The following KCNQ1OT1 variants were observed in gnomAD, a reference collection of about 807,000 sequenced individuals.
The protein encoded by KCNQ1OT1 is KCNQ1 antisense RNA 2 (non-protein coding).
chr11:2,610,566 G>A (rs138967851), exon 1 of KCNQ1OT1: 1 of 398,282 alleles, frequency 2.5e-6, no homozygotes, highest in African/African-American at 2.1e-5. Flanking sequence ...AACTTCCTGG[G>A]AGCACTTCCT....
exon 1 of KCNQ1OT1, chr11:2,656,357 C>A (rs1849848106): frequency 1.0e-5 from 4 of 398,668 alleles, no homozygotes; most frequent in Admixed American, 4.4e-5. Flanking sequence ...ATTCTTCAAG[C>A]CTTACAGGTC....
At chr11:2,649,998 T>A (rs1849733061) in exon 1 of KCNQ1OT1, 1 of 398,498 alleles carries the variant, frequency 2.5e-6, no homozygotes, top group Non-Finnish European at 4.4e-6. Flanking sequence ...TGTTATTTTT[T>A]AAATCTGTCT....
exon 1 of KCNQ1OT1, chr11:2,618,456 G>A (rs187603549): frequency 2.3e-5 from 9 of 398,578 alleles, no homozygotes; most frequent in Admixed American, 1.3e-4. Context: ...TTATGAGAGA[G>A]ACTATCTTTC....
At chr11:2,644,898 A>G (rs1590001734) in exon 1 of KCNQ1OT1, 10 of 398,858 alleles carry the variant, frequency 2.5e-5, no homozygotes, top group Middle Eastern at 6.3e-4. Flanking sequence ...GGCTGGGGAT[A>G]GGGACACCAG....
chr11:2,637,434 G>T (rs1274956473), exon 1 of KCNQ1OT1: 4 of 152,058 alleles, frequency 2.6e-5, no homozygotes, highest in African/African-American at 9.7e-5. Context: ...CCTTCATTTC[G>T]TTATGTACCC....
Position 2,663,995 on chromosome 11 carries a change from TG to T in KCNQ1OT1, n.35999del. On this transcript the variant is annotated non_coding_transcript_exon_variant, in exon 1 of 1. Transcript: ENST00000597346. The surrounding 1 kb of genome is among the most constrained non-coding windows in gnomAD (Gnocchi z 5.2). ...CCATCCCCAAGCTCTCTGCCCACTT[TG>T]GGTCTGGCACATTACCATTCTGCAA... 1 of 398,738 alleles carries T rather than the reference TG, an allele frequency of 2.5e-6. No homozygotes were observed. The highest frequency in any genetic ancestry group is 3.6e-5 in the East Asian group (1 of 28,076). 24.7% of individuals were successfully genotyped at this position (398,738 alleles called of 1,614,324 possible).
chr11:2,618,914 C>G (rs1564835362), exon 1 of KCNQ1OT1: 2 of 398,056 alleles, frequency 5.0e-6, no homozygotes, highest in African/African-American at 2.1e-5. Context: ...TAAATTTATT[C>G]CTAAGCAATT....
rs1850224575 is a variant in KCNQ1OT1 at position 2,673,453 on chromosome 11, T to G, written n.26542A>C. 1 of 398,576 alleles carries G rather than the reference T, an allele frequency of 2.5e-6. No homozygotes were observed. Among genetic ancestry groups the G allele is most frequent in the South Asian group, 1.3e-4 (1 of 7,868 alleles). 24.7% of individuals were successfully genotyped at this position (398,576 alleles called of 1,614,324 possible). On this transcript the variant is annotated non_coding_transcript_exon_variant, in exon 1 of 1. Coordinates refer to ENST00000597346, the Ensembl canonical transcript of KCNQ1OT1. This position sits in a 1 kb window ranked among gnomAD's most constrained non-coding sequence, Gnocchi z 4.5. ...GTTCCAACTTGGTGTTGGGCCTCCT[T>G]GAGCCGGAACACCTGAAAAGCCATA...
At chr11:2,692,626 C>T in exon 1 of KCNQ1OT1, 1 of 398,716 alleles carries the variant, frequency 2.5e-6, no homozygotes. Context: ...ACCTGCTGTG[C>T]TCCCAGGCCT....
rs931763942 is a variant in KCNQ1OT1 at position 2,611,529 on chromosome 11, G to A, written n.88466C>T. ...ACCCAGCCAATTTTGTCTGATTTTA[G>A]TACAGTCACTCTAGCTTTCTTATTA... is the stretch of plus-strand genomic sequence containing the variant. On this transcript the variant is annotated non_coding_transcript_exon_variant, in exon 1 of 1. Coordinates refer to ENST00000597346, the Ensembl canonical transcript of KCNQ1OT1. The surrounding 1 kb of genome is among the most constrained non-coding windows in gnomAD (Gnocchi z 5.3). 1.3e-5 allele frequency: 5 copies of A among 398,312 alleles called. No individual in the cohort carries two copies. The highest frequency in any genetic ancestry group is 2.2e-5 in the Non-Finnish European group (5 of 226,062). 24.7% of individuals were successfully genotyped at this position (398,312 alleles called of 1,614,324 possible).
At position 2,653,431 on chromosome 11, in the gene KCNQ1OT1, G is replaced by A; in HGVS notation, n.46564C>T. The A allele has an allele frequency of 2.5e-6, 1 of 398,668 alleles. No individual in the cohort carries two copies. The highest frequency in any genetic ancestry group is 4.4e-6 in the Non-Finnish European group (1 of 226,126). 24.7% of individuals were successfully genotyped at this position (398,668 alleles called of 1,614,324 possible). On this transcript the variant is annotated non_coding_transcript_exon_variant, in exon 1 of 1. Coordinates refer to ENST00000597346, the Ensembl canonical transcript of KCNQ1OT1. The surrounding 1 kb of genome is among the most constrained non-coding windows in gnomAD (Gnocchi z 5.3). ...GGAACCCCAACTCAAACAAGCTTAA[G>A]CACAAAAGGGACATTTTTTGGCTCA...
rs1448096784 is a variant in KCNQ1OT1 at position 2,661,362 on chromosome 11, G to A, written n.38633C>T. On this transcript the variant is annotated non_coding_transcript_exon_variant, in exon 1 of 1. Transcript: ENST00000597346. This position sits in a 1 kb window ranked among gnomAD's most constrained non-coding sequence, Gnocchi z 5.9. Reference sequence around the variant, plus strand: ...GCTCCTGTGTCAAAGTTGCAGAGGTGGGCCCAGGAATCATAATGTGAAGCC... The same window carrying A: ...GCTCCTGTGTCAAAGTTGCAGAGGTAGGCCCAGGAATCATAATGTGAAGCC... 9.9e-6 allele frequency: 4 copies of A among 405,870 alleles called. No individual in the cohort carries two copies. The highest frequency in any genetic ancestry group is 4.1e-5 in the Admixed American group (1 of 24,538). The allele number at this position is 405,870 out of a possible 1,614,324, so 25.1% of individuals were successfully genotyped here.
At chr11:2,630,129 G>T in exon 1 of KCNQ1OT1, 1 of 398,282 alleles carries the variant, frequency 2.5e-6, no homozygotes, top group Non-Finnish European at 4.4e-6. Flanking sequence ...TATCATGGAA[G>T]GATGTTGAAT....
exon 1 of KCNQ1OT1, chr11:2,656,025 T>C: frequency 2.5e-6 from 1 of 398,660 alleles, no homozygotes; most frequent in Middle Eastern, 6.3e-4. Context: ...GGACAGAACC[T>C]TCCTCAGGGG....
At position 2,678,201 on chromosome 11, in the gene KCNQ1OT1, A is replaced by G. The variant is rs1850326656; in HGVS notation, n.21794T>C. Reference sequence around the variant, plus strand: ...GGTGGCAGAATTTTTTTAATTTCACATAGTCAGCTGTGTCAGTCTTTTATG... The same window carrying G: ...GGTGGCAGAATTTTTTTAATTTCACGTAGTCAGCTGTGTCAGTCTTTTATG... On this transcript the variant is annotated non_coding_transcript_exon_variant, in exon 1 of 1. Coordinates refer to ENST00000597346, the Ensembl canonical transcript of KCNQ1OT1. This position sits in a 1 kb window ranked among gnomAD's most constrained non-coding sequence, Gnocchi z 4.9. 1 of 398,232 alleles carries G rather than the reference A, an allele frequency of 2.5e-6. No homozygotes were observed. The highest frequency in any genetic ancestry group is 1.3e-4 in the South Asian group (1 of 7,856). The allele number at this position is 398,232 out of a possible 1,614,324, so 24.7% of individuals were successfully genotyped here.
chr11:2,616,271 C>T (rs764851167), exon 1 of KCNQ1OT1: 15 of 395,554 alleles, frequency 3.8e-5, no homozygotes, highest in Non-Finnish European at 6.7e-5. Flanking sequence ...TAGATATGTG[C>T]AACTTCTCTA....
chr11:2,637,894 A>C (rs1849501703), exon 1 of KCNQ1OT1: 1 of 152,232 alleles, frequency 6.6e-6, no homozygotes, highest in African/African-American at 2.4e-5. Context: ...TATTTAAGAT[A>C]GTTAGCTCTT....
rs1051778166 is a variant in KCNQ1OT1 at position 2,664,220 on chromosome 11, C to A, written n.35775G>T. 22 of 398,652 alleles carry A rather than the reference C, an allele frequency of 5.5e-5. No individual in the cohort carries two copies. The highest frequency in any genetic ancestry group is 8.4e-5 in the Non-Finnish European group (19 of 226,304). The allele number at this position is 398,652 out of a possible 1,614,324, so 24.7% of individuals were successfully genotyped here. A position where few individuals can be genotyped will look rare whatever the true frequency, so the allele number is the denominator to read the frequency against. On this transcript the variant is annotated non_coding_transcript_exon_variant, in exon 1 of 1. Transcript: ENST00000597346. The surrounding 1 kb of genome is among the most constrained non-coding windows in gnomAD (Gnocchi z 5.1). ...GGCAGGAAGGAGCCCAGGCATGGGGCTTGGGGTGAGGGATCTGAAGAGGGG... is the reference window on the plus strand; with the variant it reads ...GGCAGGAAGGAGCCCAGGCATGGGGATTGGGGTGAGGGATCTGAAGAGGGG...
At position 2,623,788 on chromosome 11, in the gene KCNQ1OT1, G is replaced by A. The variant is rs1849215574; in HGVS notation, n.76207C>T. ...TTCACCTCCTTTGAGTAAATACCAA[G>A]GATGTGATTGCTGAACTGCATGGTA... On this transcript the variant is annotated non_coding_transcript_exon_variant, in exon 1 of 1. Coordinates refer to ENST00000597346, the Ensembl canonical transcript of KCNQ1OT1. The surrounding 1 kb of genome is among the most constrained non-coding windows in gnomAD (Gnocchi z 5.2). 7.5e-6 allele frequency: 3 copies of A among 398,306 alleles called. No homozygotes were observed. Among genetic ancestry groups the A allele is most frequent in the African/African-American group, 2.1e-5 (1 of 48,576 alleles). The allele number at this position is 398,306 out of a possible 1,614,324, so 24.7% of individuals were successfully genotyped here. A position where few individuals can be genotyped will look rare whatever the true frequency, so the allele number is the denominator to read the frequency against.
Sources: allele counts gnomAD v4.1 joint callset, GRCh38; gene constraint gnomAD v4.1.1; non-coding constraint Gnocchi (gnomAD v3.1); transcripts MANE v1.5; gene names NCBI Gene and HGNC (gene_info 2026-07-23, HGNC 2026-07-21).